The following SULT1B1 variants were observed in gnomAD, a reference collection of about 807,000 sequenced individuals.
SULT1B1 encodes the protein sulfotransferase family 1B member 1.
SULT1B1 carries 28 observed loss-of-function variants against 34.6 expected under a neutral mutation model. The ratio of observed to expected loss-of-function variants is 0.81; its 90% CI spans 0.60 to 1.11. SULT1B1 has a LOEUF of 1.11. SULT1B1 is among the 50% of genes least tolerant of loss of function. The pLI is 0.00. For missense variants in SULT1B1, 374 were observed against 352.2 expected, an observed-to-expected ratio of 1.06 and a Z score of -0.50; for synonymous variants, 147 against 110.2, an observed-to-expected ratio of 1.33 and a Z score of -2.09.
chr4:69,744,004 C>T (rs1335986080), intron 4 of SULT1B1, among the ~76,000 whole-genome samples: 1 of 152,120 alleles, frequency 6.6e-6, no homozygotes, highest in Non-Finnish European at 1.5e-5. Context: ...GCCCTGGGTC[C>T]ATAGCCATTA....
rs530526192 is a variant in SULT1B1 at position 69,734,281 on chromosome 4, G to A, written c.376-17C>T. ...ATAAATCATCTGCAGTGGGGGGTGGGGGTAGGAGAAAAAAATAAGATAAAA... is the reference window on the plus strand; with the variant it reads ...ATAAATCATCTGCAGTGGGGGGTGGAGGTAGGAGAAAAAAATAAGATAAAA... On this transcript the variant is annotated splice_polypyrimidine_tract_variant and intron_variant, in intron 4 of 7. Coordinates refer to ENST00000310613, the MANE Select transcript of SULT1B1 (RefSeq NM_014465.4). 2 of 1,600,578 alleles carry A rather than the reference G, an allele frequency of 1.2e-6. No homozygotes were observed. The highest frequency in any genetic ancestry group is 1.7e-6 in the Non-Finnish European group (2 of 1,174,794).
intron 4 of SULT1B1, among the ~76,000 whole-genome samples, chr4:69,735,516 C>G (rs1254338536): frequency 6.6e-6 from 1 of 152,168 alleles, no homozygotes; most frequent in Non-Finnish European, 1.5e-5. Flanking sequence ...TATAAGCAGT[C>G]CCACCCATTC....
At chr4:69,727,251 G>T in intron 7 of SULT1B1, 51 bp from the exon 8 acceptor site, 2 of 1,472,364 alleles carry the variant, frequency 1.4e-6, no homozygotes, top group African/African-American at 1.4e-5. Context: ...TCCATAAGAA[G>T]AAATCAGTAT....
chr4:69,731,449 G>A (rs1718077866), intron 6 of SULT1B1, among the ~76,000 whole-genome samples: 1 of 152,118 alleles, frequency 6.6e-6, no homozygotes, highest in Admixed American at 6.6e-5. Context: ...AAAAATGCTG[G>A]GAACATCTGT....
chr4:69,737,580 G>A (rs929818626), intron 4 of SULT1B1, among the ~76,000 whole-genome samples: 1 of 152,106 alleles, frequency 6.6e-6, no homozygotes, highest in Non-Finnish European at 1.5e-5. Flanking sequence ...AGATAGTAAA[G>A]GGGCCTAAAT....
At chr4:69,728,646 A>AAGGAAGGAAGGC (rs1472308430) in intron 7 of SULT1B1, among the ~76,000 whole-genome samples, 4 of 151,772 alleles carry the variant, frequency 2.6e-5, no homozygotes, top group Non-Finnish European at 5.9e-5. Context: ...GGAAGGAAGG[A>AAGGAAGGAAGGC]AGGAAGAACG....
chr4:69,734,573 A>G (rs970776103), intron 4 of SULT1B1, among the ~76,000 whole-genome samples: 1 of 152,216 alleles, frequency 6.6e-6, no homozygotes, highest in Non-Finnish European at 1.5e-5. Context: ...AAGGTCCTAG[A>G]ACACACATTA....
chr4:69,735,759 T>G (rs947499206), intron 4 of SULT1B1, among the ~76,000 whole-genome samples: 1 of 152,106 alleles, frequency 6.6e-6, no homozygotes, highest in African/African-American at 2.4e-5. Flanking sequence ...TTAAAGTAGC[T>G]ATCATAAAAA....
At chr4:69,727,494 A>G (rs1178991189) in intron 7 of SULT1B1, among the ~76,000 whole-genome samples, 1 of 152,056 alleles carries the variant, frequency 6.6e-6, no homozygotes, top group African/African-American at 2.4e-5. Flanking sequence ...TAGTTTCCCA[A>G]GAGTGATAAT....
rs769605221 is a variant in SULT1B1 at position 69,754,690 on chromosome 4, AG to A, written c.256del (p.Leu86SerfsTer4). On this transcript the variant is annotated frameshift_variant, in exon 3 of 8. Transcript: ENST00000310613. LOFTEE classifies it high-confidence loss of function. ...TEKVPMLEMT[L>X]PGLRTSGIEQ... ...TTTACCTGATGTTCTTAATCCAGGG[AG>A]AGTCATTTCCAACATTGGAACTTTT... 90 of 1,613,032 alleles carry A rather than the reference AG, an allele frequency of 5.6e-5. No individual in the cohort carries two copies. The African/African-American group carries it at 1.1e-3, about 20-fold the overall frequency.
intron 4 of SULT1B1, among the ~76,000 whole-genome samples, chr4:69,744,586 T>C (rs1718680016): frequency 6.6e-6 from 1 of 152,254 alleles, no homozygotes; most frequent in African/African-American, 2.4e-5. Flanking sequence ...TTGGTGGTTA[T>C]TCTTGCTTGT....
intron 3 of SULT1B1, among the ~76,000 whole-genome samples, chr4:69,750,267 G>A (rs569922756): frequency 4.6e-5 from 7 of 152,254 alleles, no homozygotes; most frequent in Admixed American, 3.9e-4. Flanking sequence ...CTGTAGCATA[G>A]ATGATGTTAA....
In SULT1B1 at chr4:69,723,972, G is replaced by T. The variant is rs536553174; in HGVS notation, c.*3116C>A. The stretch of plus-strand genomic sequence containing the variant: ...CCCTTTGAAAACTGGCACAAGACAG[G>T]GATGCCGTCTCTCACCACTCCTATT... On this transcript the variant is annotated 3_prime_UTR_variant, in exon 8 of 8. Coordinates refer to ENST00000310613, the MANE Select transcript of SULT1B1 (RefSeq NM_014465.4). 1 of 152,396 alleles carries T rather than the reference G, an allele frequency of 6.6e-6. No homozygotes were observed. Among genetic ancestry groups the T allele is most frequent in the East Asian group, 1.9e-4 (1 of 5,180 alleles). The allele number at this position is 152,396 out of a possible 1,614,324, so 9.4% of individuals were successfully genotyped here. A position where few individuals can be genotyped will look rare whatever the true frequency, so the allele number is the denominator to read the frequency against.
chr4:69,759,244 G>T (rs1435720592), intron 1 of SULT1B1, among the ~76,000 whole-genome samples: 5 of 152,174 alleles, frequency 3.3e-5, no homozygotes, highest in Admixed American at 2.6e-4. Context: ...CACAGAAAGG[G>T]AGTGGCAACC....
intron 4 of SULT1B1, 31 bp downstream of exon 4, chr4:69,749,690 C>T (rs924899185): frequency 6.5e-7 from 1 of 1,527,392 alleles, no homozygotes; most frequent in Non-Finnish European, 9.1e-7. Context: ...TAGGGCCATA[C>T]TAAAAAACTG....
chr4:69,726,945 T>C lies in SULT1B1; in HGVS notation c.*143A>G. 1 of 559,228 alleles carries C rather than the reference T, an allele frequency of 1.8e-6. No individual in the cohort carries two copies. Among genetic ancestry groups the C allele is most frequent in the Non-Finnish European group, 2.9e-6 (1 of 340,304 alleles). 34.6% of individuals were successfully genotyped at this position (559,228 alleles called of 1,614,324 possible). On this transcript the variant is annotated 3_prime_UTR_variant, in exon 8 of 8. Transcript: ENST00000310613. Reference sequence around the variant, plus strand: ...AGGAACAAAACTGGGATCTGATTAATAACATTGAAAAGAATCAACATATTA... The same window carrying C: ...AGGAACAAAACTGGGATCTGATTAACAACATTGAAAAGAATCAACATATTA...
rs2110015050 is a variant in SULT1B1 at position 69,726,741 on chromosome 4, T to C, written c.*347A>G. ...AACAGCATTTCTTGGACCATGGTACTAGGGAGGGGAACTTAATTCTAAATC... is the reference window on the plus strand; with the variant it reads ...AACAGCATTTCTTGGACCATGGTACCAGGGAGGGGAACTTAATTCTAAATC... On this transcript the variant is annotated 3_prime_UTR_variant, in exon 8 of 8. Transcript: ENST00000310613. 6.2e-6 allele frequency: 1 copy of C among 160,372 alleles called. No homozygotes were observed. Among genetic ancestry groups the C allele is most frequent in the East Asian group, 1.8e-4 (1 of 5,600 alleles). 9.9% of individuals were successfully genotyped at this position (160,372 alleles called of 1,614,324 possible).
In SULT1B1 at chr4:69,727,199, C is replaced by A. The variant is rs149012641; in HGVS notation, c.780G>T (p.Gly260=). The change falls in exon 8 of 8, where the codon GGG becomes GGT. Residue 260 remains glycine (G), a splice_region_variant and synonymous_variant. Coordinates refer to ENST00000310613, the MANE Select transcript of SULT1B1 (RefSeq NM_014465.4). ...DHSKSPFMRK[G]TAGDWKNYFT... ...AGTAATTCTTCCAGTCACCAGCCGTCCCTAAAGGTAAATAAAAAAACATAG... is the reference window on the plus strand; with the variant it reads ...AGTAATTCTTCCAGTCACCAGCCGTACCTAAAGGTAAATAAAAAAACATAG... The A allele has an allele frequency of 5.2e-5, 84 of 1,601,868 alleles. No individual in the cohort carries two copies. The African/African-American group carries it at 1.1e-3, about 21-fold the overall frequency.
intron 6 of SULT1B1, among the ~76,000 whole-genome samples, chr4:69,732,837 T>A (rs1161290179): frequency 4.6e-5 from 7 of 151,868 alleles, no homozygotes; most frequent in African/African-American, 1.5e-4. Context: ...ACCAATTGAA[T>A]GTGCAAAATA....
Sources: gnomAD v4.1 joint callset for allele counts (sites outside exome capture counted in the v4.1 genomes callset) on GRCh38, gnomAD v4.1.1 for gene constraint, MANE v1.5 for transcripts, NCBI Gene and HGNC (gene_info 2026-07-23, HGNC 2026-07-21) for gene names.